Variants in BMPR1B observed in about 807,000 individuals in gnomAD.
BMPR1B encodes bone morphogenetic protein receptor type-1B.
In BMPR1B, 12 loss-of-function variants were observed where a neutral mutation model predicts 59.1. The observed-to-expected ratio is 0.20, with a 90% CI of 0.13 to 0.33. The LOEUF (loss-of-function observed/expected upper bound fraction) is 0.33, where lower values mean the gene tolerates loss of function less well. Among genes scored for constraint, BMPR1B ranks in the 10% least tolerant of loss-of-function variants. The pLI, the probability that BMPR1B is intolerant of heterozygous loss-of-function variation, is 1.00. For synonymous variants in BMPR1B, 237 were observed against 207.3 expected, an observed-to-expected ratio of 1.14 and a Z score of -1.23; for missense variants, 550 against 610.9, an observed-to-expected ratio of 0.90 and a Z score of 1.05.
chr4:94,871,891 A>G (rs543301615), intron 1 of BMPR1B, among the ~76,000 whole-genome samples: 1 of 152,248 alleles, frequency 6.6e-6, no homozygotes, highest in Non-Finnish European at 1.5e-5. Flanking sequence ...AGAATGCTCG[A>G]AAAATTTTAA....
intron 3 of BMPR1B, among the ~76,000 whole-genome samples, chr4:95,011,167 A>G (rs1287736235): frequency 2.0e-5 from 3 of 151,990 alleles, no homozygotes; most frequent in Admixed American, 1.3e-4. Context: ...GGTTTGTTGT[A>G]CAGATTATTT....
intron 4 of BMPR1B, among the ~76,000 whole-genome samples, chr4:95,107,016 A>G (rs181523130): frequency 1.1e-4 from 16 of 151,998 alleles, no homozygotes; most frequent in Non-Finnish European, 7.4e-5. Flanking sequence ...GCTTCTGCTC[A>G]TATTGTGTCC....
intron 2 of BMPR1B, among the ~76,000 whole-genome samples, chr4:94,984,009 A>G (rs1246759344): frequency 6.6e-6 from 1 of 152,234 alleles, no homozygotes; most frequent in African/African-American, 2.4e-5. Context: ...AAATTATAAA[A>G]TGGATTTGTC....
intron 4 of BMPR1B, among the ~76,000 whole-genome samples, chr4:95,107,233 C>T (rs1365697001): frequency 1.3e-5 from 2 of 152,008 alleles, no homozygotes; most frequent in Admixed American, 1.3e-4. Context: ...TATGGTGTCA[C>T]TGAAGCCAGG....
intron 3 of BMPR1B, among the ~76,000 whole-genome samples, chr4:95,004,794 A>G (rs1467912727): frequency 1.3e-5 from 2 of 152,174 alleles, no homozygotes; most frequent in East Asian, 1.9e-4. Context: ...GATCTTGACA[A>G]TAATAGAGAA....
intron 1 of BMPR1B, among the ~76,000 whole-genome samples, chr4:94,843,183 A>C (rs2719171): frequency 0.92 from 140,217 of 152,280 alleles, 64,746 homozygotes; most frequent in East Asian, 1. Context: ...ACCCAGGCAG[A>C]CTGACTCTGA....
chr4:94,944,447 G>T (rs1422438888), intron 2 of BMPR1B, among the ~76,000 whole-genome samples: 1 of 152,096 alleles, frequency 6.6e-6, no homozygotes, highest in African/African-American at 2.4e-5. Context: ...ATACATAGCT[G>T]TAAGGTCTTA....
chr4:94,987,435 C>G (rs1021630848), intron 2 of BMPR1B, among the ~76,000 whole-genome samples: 6 of 151,552 alleles, frequency 4.0e-5, no homozygotes, highest in African/African-American at 1.2e-4. Flanking sequence ...TTTAATCTTT[C>G]AGTGATATTT....
rs767275713 is a variant in BMPR1B at position 94,975,362 on chromosome 4, TG to T, written c.-112-20677del. ...TAAAATCTTAATTTCCTTTTGTTTTTGTTTTTTTTTTTTTTTTTTGAGACGG... is the reference window on the plus strand; with the variant it reads ...TAAAATCTTAATTTCCTTTTGTTTTTTTTTTTTTTTTTTTTTTTGAGACGG... On this transcript the variant is annotated intron_variant, in intron 2 of 12. Transcript: ENST00000515059. Among the ~76,000 whole-genome samples the T allele has an allele frequency of 9.5e-3, 1,056 of 111,174 alleles. 25 individuals are homozygous for T. The highest frequency in any genetic ancestry group is 0.014 in the Non-Finnish European group (828 of 58,628). 72.9% of individuals were successfully genotyped at this position (111,174 alleles called of 152,430 possible).
At chr4:94,841,848 T>C (rs900950561) in intron 1 of BMPR1B, among the ~76,000 whole-genome samples, 1 of 152,368 alleles carries the variant, frequency 6.6e-6, no homozygotes, top group Admixed American at 6.5e-5. Flanking sequence ...TATCTGTGAA[T>C]AAAGTGGTTT....
rs74530814 is a variant in BMPR1B at position 94,870,189 on chromosome 4, G to A, written c.-182-5642G>A. On this transcript the variant is annotated intron_variant, in intron 1 of 12. Coordinates refer to ENST00000515059, the MANE Select transcript of BMPR1B (RefSeq NM_001203.3). ...CATGTTACAGGGGTTCTTGCAATGT[G>A]AACTTCATGCCGTATTTGGGCTTGT... Among the ~76,000 whole-genome samples the A allele has an allele frequency of 7.4e-3, 1,134 of 152,272 alleles. 17 individuals are homozygous for A. The highest frequency in any genetic ancestry group is 0.026 in the African/African-American group (1,085 of 41,540).
intron 2 of BMPR1B, among the ~76,000 whole-genome samples, chr4:94,964,307 T>C (rs80057965): frequency 0.029 from 4,401 of 152,208 alleles, 202 homozygotes; most frequent in African/African-American, 0.1. Context: ...GTATGTCCTT[T>C]CTTTCTTTCT....
At chr4:94,945,880 A>T (rs1729692139) in intron 2 of BMPR1B, among the ~76,000 whole-genome samples, 1 of 152,172 alleles carries the variant, frequency 6.6e-6, no homozygotes, top group Non-Finnish European at 1.5e-5. Context: ...CTTTTTTAAA[A>T]AATTAATACT....
At chr4:95,064,323 C>T (rs773777409) in intron 3 of BMPR1B, among the ~76,000 whole-genome samples, 4 of 152,164 alleles carry the variant, frequency 2.6e-5, no homozygotes, top group African/African-American at 4.8e-5. Context: ...TGAGCATTAT[C>T]GCCTGAGTTG....
rs545420019 is a variant in BMPR1B at position 95,090,797 on chromosome 4, A to G, written c.-17-13611A>G. Among the ~76,000 whole-genome samples the G allele has an allele frequency of 3.3e-5, 5 of 152,220 alleles. No individual in the cohort carries two copies. In the South Asian group the frequency reaches 1.0e-3, roughly 32 times the overall value. On this transcript the variant is annotated intron_variant, in intron 3 of 12. Coordinates refer to ENST00000515059, the MANE Select transcript of BMPR1B (RefSeq NM_001203.3). ...AAATATTTCATTCTGTTTTAACCAT[A>G]TATGATGAATAGGATAGCTGTGTCT... is the stretch of plus-strand genomic sequence containing the variant.
intron 1 of BMPR1B, among the ~76,000 whole-genome samples, chr4:94,758,642 C>T (rs1414078016): frequency 4.6e-5 from 7 of 152,136 alleles, no homozygotes; most frequent in Non-Finnish European, 8.8e-5. Context: ...GGTCCCGGCG[C>T]CTTGGACTGG....
intron 1 of BMPR1B, among the ~76,000 whole-genome samples, chr4:94,782,198 C>T (rs1722615264): frequency 6.6e-6 from 1 of 151,708 alleles, no homozygotes; most frequent in South Asian, 2.1e-4. Context: ...AAAACCTGTT[C>T]TTCAGGTTGT....
At chr4:95,112,808 C>A (rs1236433555) in intron 4 of BMPR1B, among the ~76,000 whole-genome samples, 2 of 152,016 alleles carry the variant, frequency 1.3e-5, no homozygotes, top group Non-Finnish European at 2.9e-5. Flanking sequence ...TTGACAATAG[C>A]TTTACCAGCT....
At chr4:94,794,239 C>G (rs1325773425) in intron 1 of BMPR1B, among the ~76,000 whole-genome samples, 1 of 143,994 alleles carries the variant, frequency 6.9e-6, no homozygotes, top group Admixed American at 6.8e-5. Flanking sequence ...CTACATATGG[C>G]TAGCCAGTTT....
Sources: allele counts gnomAD v4.1 joint callset (sites outside exome capture counted in the v4.1 genomes callset), GRCh38; gene constraint gnomAD v4.1.1; transcripts MANE v1.5; gene names NCBI Gene and HGNC (gene_info 2026-07-23, HGNC 2026-07-21).